The following ITGA5 variants were observed in gnomAD, a reference collection of about 807,000 sequenced individuals.
ITGA5 encodes the protein integrin subunit alpha 5.
A neutral mutation model predicts 146.3 loss-of-function variants in ITGA5; 55 were observed. The observed-to-expected ratio is 0.38, with a 90% CI of 0.30 to 0.47. The LOEUF (loss-of-function observed/expected upper bound fraction) is 0.47. ITGA5 is among the 20% of genes least tolerant of loss of function. The pLI is 0.99. For missense variants in ITGA5, 1,131 were observed against 1,329.0 expected, an observed-to-expected ratio of 0.85 and a Z score of 2.32; for synonymous variants, 500 against 531.8, an observed-to-expected ratio of 0.94 and a Z score of 0.82.
rs1955952444 is a variant in ITGA5, at chr12:54,412,055, G to T, written c.219-91C>A. 21 of 1,097,788 alleles carry T rather than the reference G, an allele frequency of 1.9e-5. No homozygotes were observed. In the South Asian group the frequency reaches 3.9e-4, roughly 20 times the overall value. The allele number at this position is 1,097,788 out of a possible 1,614,324, so 68.0% of individuals were successfully genotyped here. Reference sequence around the variant, plus strand: ...GAAGGACCCAGGCCTCTAGGCTGGGGCTGGCTGGGGGTGGAGTAGATGCCC... The same window carrying T: ...GAAGGACCCAGGCCTCTAGGCTGGGTCTGGCTGGGGGTGGAGTAGATGCCC... On this transcript the variant is annotated intron_variant, in intron 1 of 29. Coordinates refer to ENST00000293379, the MANE Select transcript of ITGA5 (RefSeq NM_002205.5).
At chr12:54,397,126 G>A (rs1955720772) in intron 29 of ITGA5, 1 of 374,692 alleles carries the variant, frequency 2.7e-6, no homozygotes, top group African/African-American at 2.1e-5. Context: ...GGGTTCCAAT[G>A]ATTTTGCAAG....
At chr12:54,406,880 T>G (rs1955872897) in intron 9 of ITGA5, among the ~76,000 whole-genome samples, 1 of 152,224 alleles carries the variant, frequency 6.6e-6, no homozygotes, top group African/African-American at 2.4e-5. Context: ...TCCCCTAAAC[T>G]GCTATGCCAC....
At chr12:54,418,417 C>G (rs1422644264) in intron 1 of ITGA5, among the ~76,000 whole-genome samples, 1 of 152,052 alleles carries the variant, frequency 6.6e-6, no homozygotes, top group African/African-American at 2.4e-5. Flanking sequence ...GGTCTTTCCC[C>G]GGTCTGAGTT....
chr12:54,415,063 G>A (rs1020593709), intron 1 of ITGA5, among the ~76,000 whole-genome samples: 2 of 152,164 alleles, frequency 1.3e-5, no homozygotes, highest in African/African-American at 2.4e-5. Context: ...CAGGAGAATC[G>A]CTTGAACCAG....
intron 6 of ITGA5, among the ~76,000 whole-genome samples, chr12:54,408,529 C>T (rs995789206): frequency 2.0e-5 from 3 of 151,966 alleles, no homozygotes; most frequent in African/African-American, 4.8e-5. Flanking sequence ...AGTCCAAGAC[C>T]AGCCTGGCCA....
At chr12:54,404,545 T>G (rs1955835128) in intron 13 of ITGA5, 70 bp from the exon 14 acceptor site, 4 of 1,574,148 alleles carry the variant, frequency 2.5e-6, no homozygotes, top group Non-Finnish European at 3.5e-6. Context: ...TAACCCCTCC[T>G]GGTTTCAACG....
intron 8 of ITGA5, 37 bp from the exon 9 acceptor site, chr12:54,407,729 G>A: frequency 6.2e-7 from 1 of 1,609,496 alleles, no homozygotes; most frequent in Non-Finnish European, 8.5e-7. Context: ...CTAAGGGTGG[G>A]GAAAGGGAAG....
At position 54,401,520 on chromosome 12, in the gene ITGA5, A is replaced by G. The variant is rs1246665681; in HGVS notation, c.2388-42T>C. 1.0e-5 allele frequency: 16 copies of G among 1,583,140 alleles called. No individual in the cohort carries two copies. Among genetic ancestry groups the G allele is most frequent in the African/African-American group, 2.8e-5 (2 of 70,546 alleles). Reference sequence around the variant, plus strand: ...TTTAGAGGAGGGTGGAAGGAACCCCATATGCATCCTTCCCTAGAAGTCTGT... The same window carrying G: ...TTTAGAGGAGGGTGGAAGGAACCCCGTATGCATCCTTCCCTAGAAGTCTGT... On this transcript the variant is annotated intron_variant, in intron 23 of 29. Coordinates refer to ENST00000293379, the MANE Select transcript of ITGA5 (RefSeq NM_002205.5). This position sits in a 1 kb window ranked among gnomAD's most constrained non-coding sequence, Gnocchi z 5.0.
At chr12:54,399,610 G>A (rs1308752916) in intron 27 of ITGA5, 35 bp downstream of exon 27, 1 of 1,504,546 alleles carries the variant, frequency 6.6e-7, no homozygotes, top group Non-Finnish European at 9.3e-7. Flanking sequence ...CAGGCCCAAA[G>A]GTCAGGGGTC....
intron 1 of ITGA5, 78 bp downstream of exon 1, chr12:54,418,903 C>T (rs1396870683): frequency 2.7e-6 from 4 of 1,503,308 alleles, no homozygotes; most frequent in South Asian, 1.2e-5. Flanking sequence ...AGCCCTGGTC[C>T]CCTCCAGACC....
In ITGA5 at chr12:54,404,687, C is replaced by T; in HGVS notation, c.1417+16G>A. 1 of 1,609,818 alleles carries T rather than the reference C, an allele frequency of 6.2e-7. No homozygotes were observed. Among genetic ancestry groups the T allele is most frequent in the East Asian group, 2.2e-5 (1 of 44,856 alleles). ...AGGGAATTTTAAGGTGAAAAGGGGC[C>T]TCAGGCACAACTCACCAGGATATCC... On this transcript the variant is annotated intron_variant, in intron 13 of 29. Transcript: ENST00000293379.
In ITGA5 at chr12:54,403,254, G is replaced by A; in HGVS notation, c.1847C>T (p.Ala616Val). ...CCTGAGGCCGTGGCTGTCCACTGGG[G>A]CTTGGGGGTCCAAGGAGAAGTTGAG... ...IALNFSLDPQAPVDSHGLRPA... is the reference protein window; with the variant it reads ...IALNFSLDPQVPVDSHGLRPA... Residue 616 changes from alanine (A) to valine (V), a missense_variant, in exon 18 of 30, where the codon GCC (alanine) becomes GTC (valine). Ala to Val is a moderately conservative substitution (Grantham distance 64). Coordinates refer to ENST00000293379, the MANE Select transcript of ITGA5 (RefSeq NM_002205.5). This position sits in a 1 kb window ranked among gnomAD's most constrained non-coding sequence, Gnocchi z 4.9. 1.9e-6 allele frequency: 3 copies of A among 1,567,082 alleles called. No homozygotes were observed. Among genetic ancestry groups the A allele is most frequent in the African/African-American group, 1.4e-5 (1 of 72,744 alleles).
chr12:54,401,118 G>T lies in ITGA5; in HGVS notation c.2494-123C>A, dbSNP rs1254344298. 2.0e-6 allele frequency: 2 copies of T among 1,024,976 alleles called. No homozygotes were observed. The highest frequency in any genetic ancestry group is 2.8e-6 in the Non-Finnish European group (2 of 703,678). The allele number at this position is 1,024,976 out of a possible 1,614,324, so 63.5% of individuals were successfully genotyped here. On this transcript the variant is annotated intron_variant, in intron 24 of 29. Coordinates refer to ENST00000293379, the MANE Select transcript of ITGA5 (RefSeq NM_002205.5). This position sits in a 1 kb window ranked among gnomAD's most constrained non-coding sequence, Gnocchi z 5.0. The stretch of plus-strand genomic sequence containing the variant: ...GGCTCCTATCTCAGAGATGAAGCAG[G>T]GAAGCAATGGGCAGAGGTGAAATCC...
chr12:54,406,013 G>T, intron 9 of ITGA5, 87 bp from the exon 10 acceptor site: 1 of 1,214,388 alleles, frequency 8.2e-7, no homozygotes, highest in Non-Finnish European at 1.2e-6. Flanking sequence ...ACACCCAGGG[G>T]CAGGCATTCC....
chr12:54,404,882 C>T lies in ITGA5; in HGVS notation c.1238G>A (p.Gly413Glu). ...CTGGGTCTCCCCACCAAAGGGAGCC[C>T]CGATGGCCACATCTGGAAGACACAG... The part of the protein sequence containing the change: ...DQDGYNDVAI[G>E]APFGGETQQG... The change falls in exon 13 of 30, where the codon GGG becomes GAG. Residue 413 changes from glycine (G) to glutamate (E), a missense_variant. Coordinates refer to ENST00000293379, the MANE Select transcript of ITGA5 (RefSeq NM_002205.5). The T allele has an allele frequency of 6.3e-7, 1 of 1,579,546 alleles. No homozygotes were observed. Among genetic ancestry groups the T allele is most frequent in the Non-Finnish European group, 8.6e-7 (1 of 1,166,066 alleles).
In ITGA5 at chr12:54,408,189, G is replaced by T; in HGVS notation, c.738C>A (p.Tyr246Ter). The change falls in exon 7 of 30, where the codon TAC becomes TAA. Residue 246 changes from tyrosine (Y) to a stop codon, truncating the protein, a stop_gained. Coordinates refer to ENST00000293379, the MANE Select transcript of ITGA5 (RefSeq NM_002205.5). LOFTEE classifies it high-confidence loss of function. ...ATQEQIAESY[Y>*]PEYLINLVQG... is the part of the protein sequence containing the mutation. ...GAACCAGGTTGATCAGGTACTCGGGGTAATAAGATTCTGCAATCTGCTCCT... is the reference window on the plus strand; with the variant it reads ...GAACCAGGTTGATCAGGTACTCGGGTTAATAAGATTCTGCAATCTGCTCCT... The T allele has an allele frequency of 6.2e-7, 1 of 1,614,160 alleles. No homozygotes were observed. Among genetic ancestry groups the T allele is most frequent in the South Asian group, 1.1e-5 (1 of 91,086 alleles).
chr12:54,419,140 CG>C lies in ITGA5; in HGVS notation c.58del (p.Arg20GlyfsTer25). On this transcript the variant is annotated frameshift_variant, in exon 1 of 30. Transcript: ENST00000293379. LOFTEE classifies it high-confidence loss of function. Reference protein sequence around the residue: ...LHAVQLRWGPRRRPPLLPLLL... With the variant: ...LHAVQLRWGPXRRPPLLPLLL... ...CAGCGGCAGCAGCGGGGGTCGGCGC[CG>C]GGGGCCCCAGCGCAGCTGCACGGCG... The C allele has an allele frequency of 1.9e-6, 3 of 1,587,008 alleles. No individual in the cohort carries two copies. Among genetic ancestry groups the C allele is most frequent in the Non-Finnish European group, 1.7e-6 (2 of 1,169,840 alleles).
intron 27 of ITGA5, 133 bp from the exon 28 acceptor site, chr12:54,398,831 CTCTCTTTTT>C: frequency 2.2e-6 from 1 of 449,318 alleles, no homozygotes. Context: ...CTCTCTCTCT[CTCTCTTTTT>C]TTTTTTTTTT....
chr12:54,401,681 A>C lies in ITGA5; in HGVS notation c.2307-16T>G. On this transcript the variant is annotated splice_polypyrimidine_tract_variant and intron_variant, in intron 22 of 29. Coordinates refer to ENST00000293379, the MANE Select transcript of ITGA5 (RefSeq NM_002205.5). This position sits in a 1 kb window ranked among gnomAD's most constrained non-coding sequence, Gnocchi z 5.0. ...GAGATTCTTGCTGTGGGATGGAGGCAAGACTGAGGTGCTGGAGTGCAGCCA... is the reference window on the plus strand; with the variant it reads ...GAGATTCTTGCTGTGGGATGGAGGCCAGACTGAGGTGCTGGAGTGCAGCCA... The C allele has an allele frequency of 6.2e-7, 1 of 1,614,046 alleles. No homozygotes were observed. Among genetic ancestry groups the C allele is most frequent in the Non-Finnish European group, 8.5e-7 (1 of 1,179,934 alleles).
Sources: allele counts gnomAD v4.1 joint callset (sites outside exome capture counted in the v4.1 genomes callset), GRCh38; gene constraint gnomAD v4.1.1; non-coding constraint Gnocchi (gnomAD v3.1); transcripts MANE v1.5; gene names NCBI Gene and HGNC (gene_info 2026-07-23, HGNC 2026-07-21).